Variants in GRB2 observed in about 807,000 individuals in gnomAD.
GRB2 encodes growth factor receptor-bound protein 2.
In GRB2, 2 loss-of-function variants were observed where a neutral mutation model predicts 27.4. The observed-to-expected ratio is 0.07, with a 90% CI of 0.03 to 0.23. The LOEUF (loss-of-function observed/expected upper bound fraction) is 0.23. GRB2 is among the 10% of genes least tolerant of loss of function. GRB2 has a pLI of 1.00. For synonymous variants in GRB2, 94 were observed against 99.6 expected, an observed-to-expected ratio of 0.94 and a Z score of 0.33; for missense variants, 102 against 282.4, an observed-to-expected ratio of 0.36 and a Z score of 4.58.
chr17:75,352,641 G>C (rs1177510058), intron 2 of GRB2, among the ~76,000 whole-genome samples: 2 of 152,180 alleles, frequency 1.3e-5, no homozygotes, highest in Non-Finnish European at 2.9e-5. Context: ...GACATATTAT[G>C]TGACAACTAA....
intron 2 of GRB2, among the ~76,000 whole-genome samples, chr17:75,369,040 A>G (rs913148085): frequency 1.3e-5 from 2 of 152,242 alleles, no homozygotes; most frequent in African/African-American, 4.8e-5. Context: ...GTTTAAAAAA[A>G]GAACAAAACT....
intron 2 of GRB2, among the ~76,000 whole-genome samples, chr17:75,344,673 G>A (rs971500438): frequency 1.3e-5 from 2 of 151,942 alleles, no homozygotes; most frequent in African/African-American, 4.8e-5. Flanking sequence ...ATTTACAGGT[G>A]TTGAGCCACC....
intron 2 of GRB2, among the ~76,000 whole-genome samples, chr17:75,362,704 C>T (rs2078792056): frequency 6.6e-6 from 1 of 152,164 alleles, no homozygotes; most frequent in Non-Finnish European, 1.5e-5. Flanking sequence ...ACTATACATG[C>T]TCCCACCCAC....
intron 4 of GRB2, among the ~76,000 whole-genome samples, chr17:75,322,139 G>A (rs900197002): frequency 6.6e-6 from 1 of 152,130 alleles, no homozygotes; most frequent in Non-Finnish European, 1.5e-5. Context: ...TTTGGAGGCC[G>A]TGGTGGGCAG....
chr17:75,327,488 A>C (rs1598217816), intron 3 of GRB2, among the ~76,000 whole-genome samples: 1 of 151,732 alleles, frequency 6.6e-6, no homozygotes. Context: ...CTCCTGCCTC[A>C]GCTTCCCTAG....
chr17:75,380,781 G>A (rs2078923111), intron 2 of GRB2, among the ~76,000 whole-genome samples: 1 of 152,184 alleles, frequency 6.6e-6, no homozygotes, highest in African/African-American at 2.4e-5. Flanking sequence ...AAAATAAAAT[G>A]TGCGGCGGAA....
At chr17:75,325,758 T>C (rs554934050) in intron 4 of GRB2, 140 bp downstream of exon 4, 1 of 891,464 alleles carries the variant, frequency 1.1e-6, no homozygotes, top group African/African-American at 1.7e-5. Context: ...AGCCAGAAAT[T>C]AGGATTTTAA....
intron 2 of GRB2, among the ~76,000 whole-genome samples, chr17:75,392,486 A>AT (rs967906481): frequency 8.5e-5 from 13 of 152,246 alleles, no homozygotes; most frequent in African/African-American, 3.1e-4. Flanking sequence ...ATAAGTCCAC[A>AT]TAACTTAAAA....
chr17:75,353,695 G>A (rs1302802149), intron 2 of GRB2, among the ~76,000 whole-genome samples: 2 of 151,784 alleles, frequency 1.3e-5, no homozygotes, highest in Non-Finnish European at 2.9e-5. Context: ...GGGAGGCAGA[G>A]GTTGCAGTGA....
intron 2 of GRB2, among the ~76,000 whole-genome samples, chr17:75,352,338 C>G (rs940530629): frequency 2.0e-5 from 3 of 152,200 alleles, no homozygotes; most frequent in Non-Finnish European, 2.9e-5. Context: ...GCACTTTTGT[C>G]CCACAGAACT....
At chr17:75,360,848 G>A (rs529664727) in intron 2 of GRB2, among the ~76,000 whole-genome samples, 13 of 152,242 alleles carry the variant, frequency 8.5e-5, no homozygotes, top group Middle Eastern at 3.4e-3. Context: ...GTGCAGTGGC[G>A]TGAACACAGC....
intron 2 of GRB2, among the ~76,000 whole-genome samples, chr17:75,393,152 T>C (rs774969198): frequency 2.6e-5 from 4 of 152,212 alleles, no homozygotes; most frequent in Non-Finnish European, 4.4e-5. Context: ...CCTTTGGCTA[T>C]ACAAAGTAAG....
chr17:75,341,197 T>C (rs1010763570), intron 2 of GRB2, among the ~76,000 whole-genome samples: 1 of 152,072 alleles, frequency 6.6e-6, no homozygotes, highest in Non-Finnish European at 1.5e-5. Flanking sequence ...TTTGGCATGC[T>C]GAGGTGAGTG....
intron 2 of GRB2, among the ~76,000 whole-genome samples, chr17:75,352,004 G>C (rs754561750): frequency 1.3e-5 from 2 of 152,192 alleles, no homozygotes; most frequent in Non-Finnish European, 2.9e-5. Context: ...TCAGGGTTCA[G>C]GATATAAAAA....
At chr17:75,338,940 G>T (rs1432039919) in intron 2 of GRB2, 8 of 1,115,458 alleles carry the variant, frequency 7.2e-6, no homozygotes, top group Non-Finnish European at 1.1e-5. Context: ...CCCAGGGAAA[G>T]CGGCGTTATG....
chr17:75,335,633 G>A (rs1381587283), intron 2 of GRB2, among the ~76,000 whole-genome samples: 2 of 152,174 alleles, frequency 1.3e-5, no homozygotes, highest in African/African-American at 4.8e-5. Context: ...GACTGCAGGT[G>A]CCAGACACTG....
chr17:75,355,001 T>A (rs2078722211), intron 2 of GRB2, among the ~76,000 whole-genome samples: 1 of 152,096 alleles, frequency 6.6e-6, no homozygotes, highest in African/African-American at 2.4e-5. Flanking sequence ...AGAGACGGGG[T>A]TTCACCATGT....
intron 2 of GRB2, among the ~76,000 whole-genome samples, chr17:75,358,439 A>T: frequency 6.6e-6 from 1 of 151,932 alleles, no homozygotes; most frequent in East Asian, 1.9e-4. Context: ...TCTTTCCATT[A>T]TTTATCTGTG....
At chr17:75,395,432 T>C (rs2079023445) in intron 1 of GRB2, among the ~76,000 whole-genome samples, 1 of 152,254 alleles carries the variant, frequency 6.6e-6, no homozygotes. Flanking sequence ...TTGTGTATCC[T>C]TAAATGCCCT....
Sources: gnomAD v4.1 joint callset for allele counts (sites outside exome capture counted in the v4.1 genomes callset) on GRCh38, gnomAD v4.1.1 for gene constraint, MANE v1.5 for transcripts, NCBI Gene and HGNC (gene_info 2026-07-23, HGNC 2026-07-21) for gene names.